Variants in RAB40B observed in about 807,000 individuals in gnomAD.
RAB40B encodes the protein RAB40B, member RAS oncogene family.
A neutral mutation model predicts 24.0 loss-of-function variants in RAB40B; 21 were observed. That is an observed-to-expected ratio of 0.88 (90% confidence interval 0.62 to 1.26). The LOEUF (loss-of-function observed/expected upper bound fraction) is 1.26. Among genes scored for constraint, RAB40B ranks in the 50% most tolerant of loss-of-function variants. The pLI, the probability that RAB40B is intolerant of heterozygous loss-of-function variation, is 0.00. For synonymous variants in RAB40B, 167 were observed against 169.8 expected, an observed-to-expected ratio of 0.98 and a Z score of 0.13; for missense variants, 348 against 390.5, an observed-to-expected ratio of 0.89 and a Z score of 0.92.
chr17:82,659,755 A>T, intron 3 of RAB40B, 98 bp from the exon 4 acceptor site: 1 of 897,180 alleles, frequency 1.1e-6, no homozygotes, highest in Non-Finnish European at 1.8e-6. Flanking sequence ...CACTTTCCTT[A>T]TTTTAACACA....
chr17:82,657,321 T>A lies in RAB40B; in HGVS notation c.*542A>T, dbSNP rs1214323701. ...CTTATTAATCCCAAAATGTAGTAAA[T>A]AACTAGCAAAAACTTTATCAAATCC... is the stretch of plus-strand genomic sequence containing the variant. On this transcript the variant is annotated 3_prime_UTR_variant, in exon 6 of 6. Coordinates refer to ENST00000571995, the MANE Select transcript of RAB40B (RefSeq NM_006822.3). 1 of 180,300 alleles carries A rather than the reference T, an allele frequency of 5.5e-6. No homozygotes were observed. Among genetic ancestry groups the A allele is most frequent in the Non-Finnish European group, 1.2e-5 (1 of 83,066 alleles). The allele number at this position is 180,300 out of a possible 1,614,324, so 11.2% of individuals were successfully genotyped here.
Position 82,697,312 on chromosome 17 carries a change from T to G in RAB40B, c.142+1143A>C, listed in dbSNP as rs1486166853. Among the ~76,000 whole-genome samples, 1 of 152,110 alleles carries G rather than the reference T, an allele frequency of 6.6e-6. No individual in the cohort carries two copies. The highest frequency in any genetic ancestry group is 1.5e-5 in the Non-Finnish European group (1 of 67,992). On this transcript the variant is annotated intron_variant, in intron 1 of 5. Transcript: ENST00000571995. The surrounding 1 kb of genome is among the most constrained non-coding windows in gnomAD (Gnocchi z 4.9). ...CTGGAGCTGCCCTTAGGGGACAGCCTGCACCCTCTACCGAGCAGCCTCAGA... is the reference window on the plus strand; with the variant it reads ...CTGGAGCTGCCCTTAGGGGACAGCCGGCACCCTCTACCGAGCAGCCTCAGA...
At chr17:82,662,812 G>A (rs900041847) in intron 2 of RAB40B, 36 of 985,424 alleles carry the variant, frequency 3.7e-5, no homozygotes, top group East Asian at 1.1e-4. Flanking sequence ...TCAGGGAGGC[G>A]TTCGCTAAGG....
chr17:82,680,376 G>GGGGAC (rs1193426881), intron 1 of RAB40B, among the ~76,000 whole-genome samples: 1 of 152,178 alleles, frequency 6.6e-6, no homozygotes, highest in Non-Finnish European at 1.5e-5. Flanking sequence ...GGGCCGCTCG[G>GGGGAC]GGGACGGGAC....
chr17:82,683,106 G>A (rs1015632014), intron 1 of RAB40B, among the ~76,000 whole-genome samples: 4 of 152,308 alleles, frequency 2.6e-5, no homozygotes, highest in East Asian at 1.9e-4. Context: ...TCATGCCACT[G>A]CATTCCAGCC....
At chr17:82,661,372 T>A in intron 2 of RAB40B, 1 of 828,210 alleles carries the variant, frequency 1.2e-6, no homozygotes, top group Non-Finnish European at 1.5e-6. Flanking sequence ...ATCTATGCAG[T>A]AAGGAGTGTG....
chr17:82,698,394 A>G (rs867145718), intron 1 of RAB40B, 61 bp downstream of exon 1: 3 of 36,288 alleles, frequency 8.3e-5, no homozygotes, highest in Non-Finnish European at 1.0e-4. Flanking sequence ...CCCCCTCCCC[A>G]GCCCCGCGCC....
chr17:82,698,156 G>A (rs2046631215), intron 1 of RAB40B, among the ~76,000 whole-genome samples: 1 of 152,012 alleles, frequency 6.6e-6, no homozygotes, highest in Admixed American at 6.5e-5. Context: ...CGCAGACTGC[G>A]GAGAAGGATG....
At chr17:82,691,513 C>T (rs2046557502) in intron 1 of RAB40B, among the ~76,000 whole-genome samples, 1 of 152,038 alleles carries the variant, frequency 6.6e-6, no homozygotes, top group Admixed American at 6.6e-5. Flanking sequence ...TGGTGAAACC[C>T]CCATCTCTAC....
rs777283212 is a variant in RAB40B, at chr17:82,658,406, G to C, written c.565+85C>G. ...ACAGTGGCCTTGAGACGGGTCCCGG[G>C]AGGCAGACACTTATCCAGGGGGCCG... On this transcript the variant is annotated intron_variant, in intron 5 of 5. Transcript: ENST00000571995. 1.4e-4 allele frequency: 201 copies of C among 1,462,604 alleles called. 1 individual carries two copies. The highest frequency in any genetic ancestry group is 1.9e-4 in the Admixed American group (11 of 56,524). 90.6% of individuals were successfully genotyped at this position (1,462,604 alleles called of 1,614,324 possible).
At chr17:82,677,980 C>T (rs557179624) in intron 1 of RAB40B, among the ~76,000 whole-genome samples, 33 of 152,332 alleles carry the variant, frequency 2.2e-4, no homozygotes, top group African/African-American at 7.7e-4. Context: ...AACCCTCTAA[C>T]GCAGCCATGT....
intron 1 of RAB40B, among the ~76,000 whole-genome samples, chr17:82,669,766 G>T (rs931904862): frequency 1.3e-5 from 2 of 152,286 alleles, no homozygotes; most frequent in Non-Finnish European, 2.9e-5. Context: ...TTTGAGCGAC[G>T]ACCAAAAATC....
intron 1 of RAB40B, among the ~76,000 whole-genome samples, chr17:82,676,051 CCAACACCAATGT>C (rs1370005852): frequency 6.6e-6 from 1 of 152,072 alleles, no homozygotes; most frequent in African/African-American, 2.4e-5. Context: ...AAATCCAGTC[CCAACACCAATGT>C]CTTCGTCCAT....
chr17:82,674,554 G>A lies in RAB40B; in HGVS notation c.143-9998C>T, dbSNP rs921208356. Among the ~76,000 whole-genome samples, 49 of 147,276 alleles carry A rather than the reference G, an allele frequency of 3.3e-4. 1 individual carries two copies. Among genetic ancestry groups the A allele is most frequent in the Non-Finnish European group, 6.5e-4 (43 of 66,268 alleles). ...CTCGGGAGGCTGAGGCAGGAGAATG[G>A]CGTGAACCCAGGAGGCGGAGCTTGC... On this transcript the variant is annotated intron_variant, in intron 1 of 5. Coordinates refer to ENST00000571995, the MANE Select transcript of RAB40B (RefSeq NM_006822.3).
At chr17:82,665,736 G>A (rs1009299186) in intron 1 of RAB40B, among the ~76,000 whole-genome samples, 2 of 151,802 alleles carry the variant, frequency 1.3e-5, no homozygotes, top group South Asian at 2.1e-4. Flanking sequence ...GTGTGGTGGC[G>A]GGCTCCTGGA....
chr17:82,659,378 CT>C, intron 4 of RAB40B: 2 of 578,400 alleles, frequency 3.5e-6, no homozygotes, highest in South Asian at 4.2e-5. Context: ...GCTTCCTGAG[CT>C]TTCGTGATTG....
At chr17:82,693,590 T>A (rs1314959778) in intron 1 of RAB40B, among the ~76,000 whole-genome samples, 1 of 152,188 alleles carries the variant, frequency 6.6e-6, no homozygotes, top group Non-Finnish European at 1.5e-5. Context: ...AAAGGATGTG[T>A]ACTAGGAATG....
rs545973712 is a variant in RAB40B, at chr17:82,698,645, C to T, written c.-49G>A. 1.6e-6 allele frequency: 2 copies of T among 1,248,836 alleles called. No individual in the cohort carries two copies. Among genetic ancestry groups the T allele is most frequent in the East Asian group, 7.7e-5 (2 of 26,038 alleles). 77.4% of individuals were successfully genotyped at this position (1,248,836 alleles called of 1,614,324 possible). A position where few individuals can be genotyped will look rare whatever the true frequency, so the allele number is the denominator to read the frequency against. On this transcript the variant is annotated 5_prime_UTR_variant, in exon 1 of 6. Coordinates refer to ENST00000571995, the MANE Select transcript of RAB40B (RefSeq NM_006822.3). ...CATGCCCGGCCTGCGGGGCTGAGCG[C>T]AGAGGCGGCGGCCCGGCCCCGAGAG...
At chr17:82,665,527 T>G (rs1489801512) in intron 1 of RAB40B, among the ~76,000 whole-genome samples, 4 of 152,110 alleles carry the variant, frequency 2.6e-5, no homozygotes, top group African/African-American at 9.7e-5. Flanking sequence ...GTGCTGGCAT[T>G]ACAGGCATAA....
Sources: allele counts gnomAD v4.1 joint callset (sites outside exome capture counted in the v4.1 genomes callset), GRCh38; gene constraint gnomAD v4.1.1; non-coding constraint Gnocchi (gnomAD v3.1); transcripts MANE v1.5; gene names NCBI Gene and HGNC (gene_info 2026-07-23, HGNC 2026-07-21).